The following AACS variants were observed in gnomAD, a reference collection of about 807,000 sequenced individuals.
The protein encoded by AACS is acetoacetyl-CoA synthetase.
In AACS, 69 loss-of-function variants were observed where a neutral mutation model predicts 83.1. That is an observed-to-expected ratio of 0.83 (90% confidence interval 0.68 to 1.01). The LOEUF is 1.01. AACS is among the 50% of genes least tolerant of loss of function. AACS has a pLI of 0.00. For missense variants in AACS, 866 were observed against 882.2 expected, an observed-to-expected ratio of 0.98 and a Z score of 0.23; for synonymous variants, 333 against 343.4, an observed-to-expected ratio of 0.97 and a Z score of 0.33.
intron 3 of AACS, among the ~76,000 whole-genome samples, chr12:125,079,110 G>GAAGTCA (rs1956103028): frequency 6.6e-6 from 1 of 152,108 alleles, no homozygotes; most frequent in South Asian, 2.1e-4. Flanking sequence ...CACCTCTGCG[G>GAAGTCA]AAGTCATGTT....
At chr12:125,108,313 G>A (rs1442536235) in intron 8 of AACS, among the ~76,000 whole-genome samples, 2 of 152,182 alleles carry the variant, frequency 1.3e-5, no homozygotes, top group African/African-American at 2.4e-5. Flanking sequence ...GCTTGTGGAC[G>A]GCCGCCTTCT....
At chr12:125,074,634 A>G (rs1039455248) in intron 2 of AACS, among the ~76,000 whole-genome samples, 2 of 146,034 alleles carry the variant, frequency 1.4e-5, no homozygotes, top group African/African-American at 5.1e-5. Flanking sequence ...CACTTCAGTG[A>G]TGTTAAGTAC....
Position 125,118,757 on chromosome 12 carries a change from C to T in AACS, c.1113C>T (p.Asp371=). The stretch of plus-strand genomic sequence containing the variant: ...CCAATGTGCTCTGGGACCTGGTTGA[C>T]AGGATAGGGTAGGTACCAAGATGCT... ...PTPNVLWDLV[D]RIGITVLVTG... is the part of the protein sequence containing the mutation. The change falls in exon 10 of 18, where the codon GAC becomes GAT. Residue 371 remains aspartate, a synonymous_variant. Transcript: ENST00000316519. The T allele has an allele frequency of 6.2e-7, 1 of 1,614,084 alleles. No individual in the cohort carries two copies. The highest frequency in any genetic ancestry group is 1.3e-5 in the African/African-American group (1 of 75,054).
intron 12 of AACS, chr12:125,127,228 G>GT (rs1167261704): frequency 6.6e-6 from 1 of 152,186 alleles, no homozygotes; most frequent in Non-Finnish European, 1.5e-5. Context: ...GAGGTGGGGG[G>GT]TCTGAGCCAT....
At chr12:125,141,923 C>T (rs976343828) in intron 17 of AACS, among the ~76,000 whole-genome samples, 169 bp from the exon 18 acceptor site, 8 of 152,000 alleles carry the variant, frequency 5.3e-5, no homozygotes, top group Admixed American at 2.6e-4. Flanking sequence ...CACCGTACTT[C>T]GGTGCACGTT....
In AACS at chr12:125,142,507, C is replaced by T. The variant is rs11058046; in HGVS notation, c.*278C>T. 92,212 of 399,654 alleles carry T rather than the reference C, an allele frequency of 0.23. 11,788 individuals are homozygous for T. The highest frequency in any genetic ancestry group is 0.4 in the East Asian group (9,048 of 22,742). The allele number at this position is 399,654 out of a possible 1,614,324, so 24.8% of individuals were successfully genotyped here. A position where few individuals can be genotyped will look rare whatever the true frequency, so the allele number is the denominator to read the frequency against. ...GTGTGTCTTTGCACACACAGTGCAG[C>T]GGGAACGGTGGGGCTGGCTGGTGCT... On this transcript the variant is annotated 3_prime_UTR_variant, in exon 18 of 18. Transcript: ENST00000316519.
Position 125,107,201 on chromosome 12 carries a change from A to G in AACS, c.848A>G (p.His283Arg). 1.9e-6 allele frequency: 3 copies of G among 1,614,086 alleles called. No homozygotes were observed. The highest frequency in any genetic ancestry group is 2.5e-6 in the Non-Finnish European group (3 of 1,180,024). ...GAGTTCGAGCAGCTGCCCTTCAGCC[A>G]CCCACTGTTCATCATGTTCTCATCG... ...QLEFEQLPFS[H>R]PLFIMFSSGT... Residue 283 changes from histidine (H) to arginine (R), a missense_variant, in exon 8 of 18, where the codon CAC becomes CGC. By Grantham distance (29) the His-to-Arg change is conservative. Coordinates refer to ENST00000316519, the MANE Select transcript of AACS (RefSeq NM_023928.5).
intron 5 of AACS, among the ~76,000 whole-genome samples, chr12:125,095,852 A>G (rs1033127155): frequency 1.3e-5 from 2 of 152,144 alleles, no homozygotes; most frequent in African/African-American, 4.8e-5. Flanking sequence ...GAGCACCAGC[A>G]CCCACATCAG....
intron 5 of AACS, among the ~76,000 whole-genome samples, chr12:125,093,793 T>C (rs1380747030): frequency 6.6e-6 from 1 of 152,188 alleles, no homozygotes; most frequent in Non-Finnish European, 1.5e-5. Context: ...AGGTATAGAC[T>C]CCATCCTGCC....
At chr12:125,069,705 G>C (rs1188298799) in intron 1 of AACS, among the ~76,000 whole-genome samples, 2 of 152,226 alleles carry the variant, frequency 1.3e-5, no homozygotes, top group African/African-American at 4.8e-5. Context: ...TTGGAGGACT[G>C]TGCCAAGTGT....
At chr12:125,077,836 G>A (rs1165443362) in intron 3 of AACS, among the ~76,000 whole-genome samples, 3 of 151,944 alleles carry the variant, frequency 2.0e-5, no homozygotes, top group Non-Finnish European at 4.4e-5. Context: ...AGCCTCCCAA[G>A]TAGCTGGGAT....
intron 17 of AACS, among the ~76,000 whole-genome samples, 175 bp from the exon 18 acceptor site, chr12:125,141,917 G>A (rs1017567081): frequency 2.6e-5 from 4 of 151,992 alleles, no homozygotes; most frequent in Non-Finnish European, 2.9e-5. Flanking sequence ...TCAGTTCACC[G>A]TACTTCGGTG....
intron 1 of AACS, among the ~76,000 whole-genome samples, chr12:125,069,900 T>G (rs574013586): frequency 1.3e-4 from 20 of 152,314 alleles, no homozygotes; most frequent in African/African-American, 4.6e-4. Flanking sequence ...GCATTGGTGT[T>G]GACATTCTGA....
At chr12:125,066,073 C>A (rs1292066645) in intron 1 of AACS, among the ~76,000 whole-genome samples, 1 of 152,194 alleles carries the variant, frequency 6.6e-6, no homozygotes, top group Non-Finnish European at 1.5e-5. Context: ...GGGGCTTCCC[C>A]CGGACATAGG....
intron 1 of AACS, among the ~76,000 whole-genome samples, chr12:125,068,744 G>T (rs761581729): frequency 3.9e-5 from 6 of 151,980 alleles, no homozygotes; most frequent in Admixed American, 6.6e-5. Flanking sequence ...TCTTCTTTTT[G>T]ATTATTCTCT....
At chr12:125,121,144 G>GC in intron 10 of AACS, 1 of 152,386 alleles carries the variant, frequency 6.6e-6, no homozygotes, top group Non-Finnish European at 1.5e-5. Flanking sequence ...TGTGGCCATC[G>GC]CCCCGCCTGA....
intron 2 of AACS, among the ~76,000 whole-genome samples, chr12:125,074,836 G>A (rs1464869061): frequency 6.6e-6 from 1 of 151,224 alleles, no homozygotes; most frequent in Non-Finnish European, 1.5e-5. Flanking sequence ...GCTAATTTTT[G>A]TATTTTTAGT....
In AACS at chr12:125,118,659, A is replaced by G. The variant is rs769004765; in HGVS notation, c.1015A>G (p.Asn339Asp). ...TTTGCAGGTCGGCTGGATGATGTGGAACTGGATGGTGTCCCTTCTGGCCAC... is the reference window on the plus strand; with the variant it reads ...TTTGCAGGTCGGCTGGATGATGTGGGACTGGATGGTGTCCCTTCTGGCCAC... ...CYTTVGWMMW[N>D]WMVSLLATGA... The change falls in exon 10 of 18, where the codon AAC becomes GAC. Residue 339 changes from asparagine to aspartate, a missense_variant. By Grantham distance (23) the Asn-to-Asp change is conservative. Transcript: ENST00000316519. 4 of 1,614,102 alleles carry G rather than the reference A, an allele frequency of 2.5e-6. No homozygotes were observed. In the South Asian group the frequency reaches 4.4e-5, roughly 18 times the overall value.
At chr12:125,076,470 G>A (rs1241133099) in intron 2 of AACS, 21 bp from the exon 3 acceptor site, 1 of 1,612,692 alleles carries the variant, frequency 6.2e-7, no homozygotes, top group South Asian at 1.1e-5. Context: ...GTGCGTCTTG[G>A]TTTGTTGTCA....
Sources: allele counts gnomAD v4.1 joint callset (sites outside exome capture counted in the v4.1 genomes callset), GRCh38; gene constraint gnomAD v4.1.1; transcripts MANE v1.5; gene names NCBI Gene and HGNC (gene_info 2026-07-23, HGNC 2026-07-21).